Variants in EPHB2 observed in about 807,000 individuals in gnomAD.
The protein encoded by EPHB2 is ephrin type-B receptor 2.
Under a neutral mutation model 96.4 loss-of-function variants are expected in EPHB2, and 18 were observed. The observed-to-expected ratio is 0.19, with a 90% CI of 0.13 to 0.28. EPHB2 has a LOEUF of 0.28. Among genes scored for constraint, EPHB2 ranks in the 10% least tolerant of loss-of-function variants. The pLI, the probability that EPHB2 is intolerant of heterozygous loss-of-function variation, is 1.00. For synonymous variants in EPHB2, 506 were observed against 534.1 expected (o/e 0.95, Z 0.72); for missense variants, 989 against 1,355.4 (o/e 0.73, Z 4.25).
chr1:22,750,564 GTC>G (rs552217646), intron 1 of EPHB2, among the ~76,000 whole-genome samples: 57 of 152,172 alleles, frequency 3.7e-4, no homozygotes, highest in Non-Finnish European at 6.8e-4. Flanking sequence ...CATGGAGAAA[GTC>G]TCTGTTTCCT....
chr1:22,913,737 G>A lies in EPHB2; in HGVS notation c.*167G>A, dbSNP rs745677573. The A allele has an allele frequency of 6.2e-7, 1 of 1,603,816 alleles. No homozygotes were observed. Among genetic ancestry groups the A allele is most frequent in the East Asian group, 2.2e-5 (1 of 44,634 alleles). ...CCACGAGACGTCACCAAGAAAACAT[G>A]CAACTCAAACGACGGAAAAAAAAAG... is the stretch of plus-strand genomic sequence containing the variant. On this transcript the variant is annotated 3_prime_UTR_variant, in exon 16 of 16. Coordinates refer to ENST00000374630, the MANE Select transcript of EPHB2 (RefSeq NM_017449.5). The surrounding 1 kb of genome is among the most constrained non-coding windows in gnomAD (Gnocchi z 4.1).
intron 1 of EPHB2, among the ~76,000 whole-genome samples, chr1:22,722,962 G>A (rs186692829): frequency 1.2e-4 from 19 of 152,342 alleles, no homozygotes; most frequent in African/African-American, 4.1e-4. Flanking sequence ...TAGGAGGCCC[G>A]TGAGTGTGTG....
intron 5 of EPHB2, among the ~76,000 whole-genome samples, chr1:22,869,795 C>T (rs976377244): frequency 2.7e-4 from 41 of 152,224 alleles, no homozygotes; most frequent in African/African-American, 9.9e-4. Flanking sequence ...CACCTCCCTC[C>T]CCAACCCCAG....
At position 22,914,700 on chromosome 1, in the gene EPHB2, C is replaced by T. The variant is rs41266949; in HGVS notation, c.*1130C>T. On this transcript the variant is annotated 3_prime_UTR_variant, in exon 16 of 16. Transcript: ENST00000374630. ...ATGCACATTTCTGGATTTTTTTATACGGTTTTCATTGACACTCTTCCCTCC... is the reference window on the plus strand; with the variant it reads ...ATGCACATTTCTGGATTTTTTTATATGGTTTTCATTGACACTCTTCCCTCC... 6.7e-3 allele frequency: 1,028 copies of T among 152,606 alleles called. 8 individuals are homozygous for T. Among genetic ancestry groups the T allele is most frequent in the East Asian group, 0.047 (244 of 5,166 alleles). 9.5% of individuals were successfully genotyped at this position (152,606 alleles called of 1,614,324 possible).
intron 1 of EPHB2, among the ~76,000 whole-genome samples, chr1:22,729,409 A>G (rs572408374): frequency 6.6e-6 from 1 of 152,334 alleles, no homozygotes; most frequent in African/African-American, 2.4e-5. Context: ...GAATCAAGTC[A>G]TGTTGTTGCT....
intron 6 of EPHB2, among the ~76,000 whole-genome samples, chr1:22,883,970 C>T (rs553932617): frequency 6.6e-6 from 1 of 151,904 alleles, no homozygotes; most frequent in Admixed American, 6.6e-5. Context: ...TGCCTGCCGT[C>T]CCCCCACCCA....
At chr1:22,752,879 G>A (rs1451461286) in intron 1 of EPHB2, among the ~76,000 whole-genome samples, 1 of 152,188 alleles carries the variant, frequency 6.6e-6, no homozygotes, top group East Asian at 1.9e-4. Flanking sequence ...AGATTACTGG[G>A]CTCAAGCAAT....
intron 9 of EPHB2, among the ~76,000 whole-genome samples, chr1:22,897,525 C>T (rs1639605475): frequency 6.6e-6 from 1 of 152,146 alleles, no homozygotes; most frequent in Admixed American, 6.5e-5. Flanking sequence ...CAGTAGCTCA[C>T]ACCTGTAATC....
intron 3 of EPHB2, among the ~76,000 whole-genome samples, chr1:22,829,143 G>C (rs903066403): frequency 1.3e-5 from 2 of 152,240 alleles, no homozygotes; most frequent in African/African-American, 4.8e-5. Context: ...ACGTGACACT[G>C]ACTGACTCGT....
chr1:22,826,643 G>A (rs192309367), intron 3 of EPHB2, among the ~76,000 whole-genome samples: 24 of 152,358 alleles, frequency 1.6e-4, no homozygotes, highest in Admixed American at 1.0e-3. Flanking sequence ...ATGCTGTCAC[G>A]CCTGCCTCCC....
At chr1:22,768,999 C>G (rs931700745) in intron 1 of EPHB2, among the ~76,000 whole-genome samples, 2 of 152,194 alleles carry the variant, frequency 1.3e-5, no homozygotes, top group South Asian at 2.1e-4. Context: ...CCCTTATAGA[C>G]TGGGACCCCT....
intron 1 of EPHB2, among the ~76,000 whole-genome samples, chr1:22,723,218 G>A (rs1235715377): frequency 1.3e-5 from 2 of 152,242 alleles, no homozygotes; most frequent in East Asian, 1.9e-4. Flanking sequence ...AGTGGGATGC[G>A]TCCCGCCTGA....
intron 3 of EPHB2, among the ~76,000 whole-genome samples, chr1:22,844,458 C>A (rs1024476893): frequency 6.6e-6 from 1 of 152,212 alleles, no homozygotes; most frequent in Non-Finnish European, 1.5e-5. Context: ...CCCAGCCAGG[C>A]AGCTGTCTAT....
At chr1:22,861,430 G>C (rs1000082747) in intron 3 of EPHB2, among the ~76,000 whole-genome samples, 1 of 152,102 alleles carries the variant, frequency 6.6e-6, no homozygotes, top group Non-Finnish European at 1.5e-5. Context: ...TTGAGCCCAG[G>C]AGTTCAAGAC....
chr1:22,798,250 G>A (rs1298293600), intron 3 of EPHB2, among the ~76,000 whole-genome samples: 1 of 152,120 alleles, frequency 6.6e-6, no homozygotes, highest in Non-Finnish European at 1.5e-5. Context: ...ACTAACCAAG[G>A]CCCATGGAGA....
intron 1 of EPHB2, among the ~76,000 whole-genome samples, chr1:22,728,128 G>T (rs1334841674): frequency 6.6e-6 from 1 of 152,164 alleles, no homozygotes; most frequent in Non-Finnish European, 1.5e-5. Context: ...CTCCCTGTAA[G>T]AATGTAAACT....
chr1:22,798,038 T>C (rs191428626), intron 3 of EPHB2, among the ~76,000 whole-genome samples: 5 of 152,314 alleles, frequency 3.3e-5, no homozygotes, highest in Non-Finnish European at 7.4e-5. Context: ...TATTTCCCAC[T>C]GTGTTCCCCA....
At chr1:22,893,600 A>G (rs938898749) in intron 7 of EPHB2, among the ~76,000 whole-genome samples, 4 of 152,188 alleles carry the variant, frequency 2.6e-5, no homozygotes, top group Non-Finnish European at 4.4e-5. Flanking sequence ...TAGAAGCAGC[A>G]CAGTTTAAAG....
chr1:22,789,655 G>A (rs374681451), intron 3 of EPHB2, among the ~76,000 whole-genome samples: 1 of 152,206 alleles, frequency 6.6e-6, no homozygotes, highest in Non-Finnish European at 1.5e-5. Flanking sequence ...AGGGAGATAC[G>A]GAAATGAACA....
Sources: gnomAD v4.1 joint callset for allele counts (sites outside exome capture counted in the v4.1 genomes callset) on GRCh38, gnomAD v4.1.1 for gene constraint, Gnocchi (gnomAD v3.1) non-coding constraint, MANE v1.5 for transcripts, NCBI Gene and HGNC (gene_info 2026-07-23, HGNC 2026-07-21) for gene names.